Variants in PAK5 observed in about 807,000 individuals in gnomAD.
The protein encoded by PAK5 is serine/threonine-protein kinase PAK 5.
A neutral mutation model predicts 65.9 loss-of-function variants in PAK5; 16 were observed. The ratio of observed to expected loss-of-function variants is 0.24; its 90% CI spans 0.16 to 0.37. PAK5 has a LOEUF of 0.37. PAK5 is among the 10% of genes least tolerant of loss of function. PAK5 has a pLI of 1.00. For synonymous variants in PAK5, 371 were observed against 354.9 expected (o/e 1.05, Z -0.51); for missense variants, 785 against 903.9 (o/e 0.87, Z 1.69).
chr20:9,759,352 T>C (rs1348354489), intron 1 of PAK5, among the ~76,000 whole-genome samples: 1 of 152,188 alleles, frequency 6.6e-6, no homozygotes, highest in Non-Finnish European at 1.5e-5. Flanking sequence ...GTTCCTCTGT[T>C]TGCATTATGG....
At chr20:9,644,378 C>T (rs1232914442) in intron 2 of PAK5, 39 bp from the exon 3 acceptor site, 2 of 1,374,500 alleles carry the variant, frequency 1.5e-6, no homozygotes, top group South Asian at 1.2e-5. Flanking sequence ...CCATTTATAT[C>T]TTGCCAGCAG....
chr20:9,782,828 A>G (rs772268556), intron 1 of PAK5, among the ~76,000 whole-genome samples: 1 of 152,134 alleles, frequency 6.6e-6, no homozygotes, highest in Non-Finnish European at 1.5e-5. Flanking sequence ...AGGGTCCCAG[A>G]GGAGGCCCCA....
chr20:9,797,472 A>T lies in PAK5; in HGVS notation c.-162+41290T>A, dbSNP rs2049117569. The stretch of plus-strand genomic sequence containing the variant: ...GAGGACACTTGGACACAGGAAGGGG[A>T]ACATCACACACTGGGGCCTGTTGTG... On this transcript the variant is annotated intron_variant, in intron 1 of 9. Coordinates refer to ENST00000353224, the MANE Select transcript of PAK5 (RefSeq NM_177990.4). Among the ~76,000 whole-genome samples the T allele has an allele frequency of 3.7e-5, 5 of 136,150 alleles. No individual in the cohort carries two copies. The South Asian group carries it at 1.3e-3, about 37-fold the overall frequency. The allele number at this position is 136,150 out of a possible 152,430, so 89.3% of individuals were successfully genotyped here. A position where few individuals can be genotyped will look rare whatever the true frequency, so the allele number is the denominator to read the frequency against.
At chr20:9,728,391 G>T (rs2048299869) in intron 1 of PAK5, among the ~76,000 whole-genome samples, 1 of 152,168 alleles carries the variant, frequency 6.6e-6, no homozygotes, top group South Asian at 2.1e-4. Flanking sequence ...TGCTACTGGG[G>T]TGTCATTAAC....
At chr20:9,685,105 A>G (rs1027456201) in intron 2 of PAK5, among the ~76,000 whole-genome samples, 1 of 152,172 alleles carries the variant, frequency 6.6e-6, no homozygotes, top group African/African-American at 2.4e-5. Flanking sequence ...TTGTCTTTCC[A>G]TAGCACTGAT....
Position 9,802,910 on chromosome 20 carries a change from G to GTGTATATATATA in PAK5, c.-162+35851_-162+35852insTATATATATACA, listed in dbSNP as rs142279832. Among the ~76,000 whole-genome samples the GTGTATATATATA allele has an allele frequency of 8.6e-5, 4 of 46,364 alleles. 1 individual carries two copies. The highest frequency in any genetic ancestry group is 3.2e-4 in the African/African-American group (4 of 12,482). The allele number at this position is 46,364 out of a possible 152,430, so 30.4% of individuals were successfully genotyped here. A position where few individuals can be genotyped will look rare whatever the true frequency, so the allele number is the denominator to read the frequency against. On this transcript the variant is annotated intron_variant, in intron 1 of 9. Transcript: ENST00000353224. Reference sequence around the variant, plus strand: ...CTTCTGTACTATTGTATATGTATGTGTATATATATATATATATATATATGA... The same window carrying GTGTATATATATA: ...CTTCTGTACTATTGTATATGTATGTGTGTATATATATATATATATATATATATATATATATGA...
chr20:9,549,667 C>T (rs982137484), intron 7 of PAK5, among the ~76,000 whole-genome samples: 6 of 152,166 alleles, frequency 3.9e-5, no homozygotes, highest in East Asian at 1.9e-4. Flanking sequence ...TTGAACTAAA[C>T]GCTGAGTCCT....
At chr20:9,591,228 TC>T (rs1348045652) in intron 3 of PAK5, among the ~76,000 whole-genome samples, 8 of 152,086 alleles carry the variant, frequency 5.3e-5, no homozygotes, top group Non-Finnish European at 1.5e-5. Flanking sequence ...CCAGTGTCAC[TC>T]AGCTAGCAGG....
intron 1 of PAK5, among the ~76,000 whole-genome samples, chr20:9,741,687 C>A (rs373162855): frequency 1.3e-5 from 2 of 152,096 alleles, no homozygotes. Flanking sequence ...AAAACCCTAA[C>A]GTGCTTCAGA....
In PAK5 at chr20:9,838,807, C is replaced by G. The variant is rs1447653968; in HGVS notation, c.-207G>C. ...AAGCGGCGGTGCCTCAGCCCCTTCT[C>G]AGCTGCTACAGCGCTCCCAGCGCCA... On this transcript the variant is annotated 5_prime_UTR_variant, in exon 1 of 10. Coordinates refer to ENST00000353224, the MANE Select transcript of PAK5 (RefSeq NM_177990.4). The surrounding 1 kb of genome is among the most constrained non-coding windows in gnomAD (Gnocchi z 4.5). The G allele has an allele frequency of 6.6e-6, 1 of 152,316 alleles. No homozygotes were observed. The highest frequency in any genetic ancestry group is 1.9e-4 in the East Asian group (1 of 5,188). The allele number at this position is 152,316 out of a possible 1,614,324, so 9.4% of individuals were successfully genotyped here. A position where few individuals can be genotyped will look rare whatever the true frequency, so the allele number is the denominator to read the frequency against.
At chr20:9,834,945 T>C (rs1193497750) in intron 1 of PAK5, among the ~76,000 whole-genome samples, 1 of 152,184 alleles carries the variant, frequency 6.6e-6, no homozygotes, top group African/African-American at 2.4e-5. Flanking sequence ...ATTGATGTAT[T>C]TTTACAAAAA....
At chr20:9,637,612 T>C (rs529498683) in intron 3 of PAK5, among the ~76,000 whole-genome samples, 45 of 152,108 alleles carry the variant, frequency 3.0e-4, no homozygotes, top group African/African-American at 1.0e-3. Context: ...GAGAAATGGA[T>C]AAATTGAAAA....
chr20:9,758,493 C>T (rs1286608551), intron 1 of PAK5, among the ~76,000 whole-genome samples: 1 of 152,128 alleles, frequency 6.6e-6, no homozygotes, highest in African/African-American at 2.4e-5. Flanking sequence ...TCTATCTCAG[C>T]GAGTACCTGG....
intron 1 of PAK5, among the ~76,000 whole-genome samples, chr20:9,712,843 C>T (rs575125206): frequency 2.6e-5 from 4 of 152,230 alleles, no homozygotes; most frequent in African/African-American, 9.6e-5. Context: ...AAACCCTTCT[C>T]TCTCACTATA....
chr20:9,547,100 C>G (rs1457907863), intron 7 of PAK5, among the ~76,000 whole-genome samples: 1 of 152,116 alleles, frequency 6.6e-6, no homozygotes, highest in Non-Finnish European at 1.5e-5. Flanking sequence ...AGAGGACACA[C>G]AGACACATAG....
chr20:9,805,905 A>T (rs1217646730), intron 1 of PAK5, among the ~76,000 whole-genome samples: 1 of 152,196 alleles, frequency 6.6e-6, no homozygotes, highest in Non-Finnish European at 1.5e-5. Flanking sequence ...TGGTAGTAGC[A>T]CTACCAAAGA....
At chr20:9,724,800 A>C (rs1279146883) in intron 1 of PAK5, among the ~76,000 whole-genome samples, 2 of 152,162 alleles carry the variant, frequency 1.3e-5, no homozygotes, top group Non-Finnish European at 2.9e-5. Flanking sequence ...ACAAAGATTC[A>C]GGATGAAAGA....
chr20:9,584,469 C>T (rs1414366796), intron 3 of PAK5, among the ~76,000 whole-genome samples: 4 of 152,186 alleles, frequency 2.6e-5, no homozygotes, highest in East Asian at 3.9e-4. Flanking sequence ...CTCACCACCA[C>T]GCCTGGCTAG....
Position 9,730,016 on chromosome 20 carries a change from AG to A in PAK5, c.-161-18582del, listed in dbSNP as rs765441390. ...AACAGGGAAAAAAAAAAAAAAAAAG[AG>A]AGAGAGAGAGAGAGAATTGTCTCGA... On this transcript the variant is annotated intron_variant, in intron 1 of 9. Coordinates refer to ENST00000353224, the MANE Select transcript of PAK5 (RefSeq NM_177990.4). Among the ~76,000 whole-genome samples, 223 of 72,630 alleles carry A rather than the reference AG, an allele frequency of 3.1e-3. 4 individuals carry two copies. The highest frequency in any genetic ancestry group is 8.7e-3 in the African/African-American group (133 of 15,328). The allele number at this position is 72,630 out of a possible 152,430, so 47.6% of individuals were successfully genotyped here. A position where few individuals can be genotyped will look rare whatever the true frequency, so the allele number is the denominator to read the frequency against.
Sources: gnomAD v4.1 joint callset for allele counts (sites outside exome capture counted in the v4.1 genomes callset) on GRCh38, gnomAD v4.1.1 for gene constraint, Gnocchi (gnomAD v3.1) non-coding constraint, MANE v1.5 for transcripts, NCBI Gene and HGNC (gene_info 2026-07-23, HGNC 2026-07-21) for gene names.